The following ARHGAP15 variants were observed in gnomAD, a reference collection of about 807,000 sequenced individuals.
ARHGAP15 encodes Rho GTPase activating protein 15, also known as rho GTPase-activating protein 15.
In ARHGAP15, 51 loss-of-function variants were observed where a neutral mutation model predicts 63.7. The ratio of observed to expected loss-of-function variants is 0.80; its 90% CI spans 0.64 to 1.01. The LOEUF (loss-of-function observed/expected upper bound fraction) is 1.01, where lower values mean the gene tolerates loss of function less well. Among genes scored for constraint, ARHGAP15 ranks in the 50% least tolerant of loss-of-function variants. The pLI is 0.00. For missense variants in ARHGAP15, 560 were observed against 564.6 expected (o/e 0.99, Z 0.08); for synonymous variants, 191 against 193.8 (o/e 0.99, Z 0.12).
chr2:143,675,179 A>G (rs1190737712), intron 12 of ARHGAP15, among the ~76,000 whole-genome samples: 1 of 152,198 alleles, frequency 6.6e-6, no homozygotes, highest in Non-Finnish European at 1.5e-5. Context: ...TTTCTCAACC[A>G]TTAAAGTTTT....
At chr2:143,180,895 G>T (rs1211502288) in intron 2 of ARHGAP15, among the ~76,000 whole-genome samples, 1 of 152,150 alleles carries the variant, frequency 6.6e-6, no homozygotes, top group Non-Finnish European at 1.5e-5. Context: ...GAATGGTCTC[G>T]ATCTCCTGAC....
chr2:143,437,751 C>T (rs75790250), intron 8 of ARHGAP15, among the ~76,000 whole-genome samples: 4,556 of 152,156 alleles, frequency 0.03, 233 homozygotes, highest in African/African-American at 0.1. Flanking sequence ...TCTGGCTGGG[C>T]GAGGTAGCTC....
At chr2:143,623,141 C>T (rs1698705092) in intron 11 of ARHGAP15, among the ~76,000 whole-genome samples, 1 of 152,206 alleles carries the variant, frequency 6.6e-6, no homozygotes, top group Non-Finnish European at 1.5e-5. Flanking sequence ...TTTAGAAAGA[C>T]AAATCGTCTG....
chr2:143,711,381 C>T (rs1022858825), intron 13 of ARHGAP15, among the ~76,000 whole-genome samples: 3 of 152,036 alleles, frequency 2.0e-5, no homozygotes, highest in African/African-American at 7.2e-5. Context: ...CAAAGGATGC[C>T]CCCCAGAGGA....
intron 9 of ARHGAP15, among the ~76,000 whole-genome samples, chr2:143,508,114 G>T (rs1052222796): frequency 6.6e-6 from 1 of 151,984 alleles, no homozygotes; most frequent in Admixed American, 6.6e-5. Flanking sequence ...GACCTATAGG[G>T]TCCTACCTGC....
intron 10 of ARHGAP15, among the ~76,000 whole-genome samples, chr2:143,521,741 C>G (rs1694070753): frequency 6.6e-6 from 1 of 152,130 alleles, no homozygotes; most frequent in African/African-American, 2.4e-5. Context: ...TTGATACTCA[C>G]TACATCGGCA....
chr2:143,491,336 T>C (rs34030812), intron 9 of ARHGAP15, among the ~76,000 whole-genome samples: 44,228 of 152,078 alleles, frequency 0.29, 7,480 homozygotes, highest in East Asian at 0.48. Context: ...AATAACAGTA[T>C]TGACATCCAA....
At chr2:143,401,591 A>G (rs892078734) in intron 6 of ARHGAP15, among the ~76,000 whole-genome samples, 1 of 152,030 alleles carries the variant, frequency 6.6e-6, no homozygotes, top group African/African-American at 2.4e-5. Context: ...TGCAGTTTTC[A>G]GTTTTTTGGG....
intron 6 of ARHGAP15, among the ~76,000 whole-genome samples, chr2:143,388,947 AT>A (rs886520936): frequency 4.0e-5 from 6 of 151,236 alleles, no homozygotes; most frequent in Non-Finnish European, 3.0e-5. Flanking sequence ...TGGAGAATTA[AT>A]TTTTTTTTAA....
intron 9 of ARHGAP15, 39 bp downstream of exon 9, chr2:143,487,534 A>G (rs775955605): frequency 1.3e-6 from 2 of 1,591,946 alleles, no homozygotes; most frequent in Non-Finnish European, 1.7e-6. Context: ...ACTGTGATAA[A>G]TGAATGTGCC....
chr2:143,519,124 C>T, intron 9 of ARHGAP15, 142 bp from the exon 10 acceptor site: 1 of 559,826 alleles, frequency 1.8e-6, no homozygotes, highest in Non-Finnish European at 3.3e-6. Flanking sequence ...ATATGTCTGC[C>T]ATAGACACTA....
intron 6 of ARHGAP15, among the ~76,000 whole-genome samples, chr2:143,360,194 A>C (rs1281760366): frequency 1.3e-5 from 2 of 151,518 alleles, no homozygotes; most frequent in Non-Finnish European, 2.9e-5. Flanking sequence ...GCCTGATCAA[A>C]ATAGACACCA....
rs370456955 is a variant in ARHGAP15 at position 143,578,699 on chromosome 2, G to C, written c.1003+22214G>C. Reference sequence around the variant, plus strand: ...TGTTGTATCAGGGACACATGACAAAGCATTCAAATATGCAAATAATTGCAA... The same window carrying C: ...TGTTGTATCAGGGACACATGACAAACCATTCAAATATGCAAATAATTGCAA... On this transcript the variant is annotated intron_variant, in intron 11 of 13. Transcript: ENST00000295095. 1.2e-3 allele frequency among the ~76,000 whole-genome samples: 183 copies of C among 152,272 alleles called. 7 individuals are homozygous for C. The South Asian group carries it at 0.036, about 30-fold the overall frequency.
At chr2:143,221,185 A>G (rs1692982029) in intron 4 of ARHGAP15, among the ~76,000 whole-genome samples, 1 of 152,140 alleles carries the variant, frequency 6.6e-6, no homozygotes, top group Non-Finnish European at 1.5e-5. Context: ...TTATAAATCC[A>G]TAATAGATCA....
intron 8 of ARHGAP15, among the ~76,000 whole-genome samples, chr2:143,452,482 G>C (rs185904602): frequency 4.0e-5 from 6 of 151,788 alleles, no homozygotes; most frequent in Non-Finnish European, 2.9e-5. Context: ...TGGATTGGGC[G>C]CATTAACACT....
rs1558779622 is a variant in ARHGAP15, at chr2:143,153,843, T to TCCTCCTCC, written c.-14-1634_-14-1633insCCTCCTCC. On this transcript the variant is annotated intron_variant, in intron 1 of 13. Transcript: ENST00000295095. ...CTTCTTCTTCTTCTTCTTCTTCTTC[T>TCCTCCTCC]TCCTCCTCCTCCTCCTCCTCCTCCT... Among the ~76,000 whole-genome samples the TCCTCCTCC allele has an allele frequency of 6.3e-3, 549 of 86,856 alleles. 34 individuals are homozygous for TCCTCCTCC. The highest frequency in any genetic ancestry group is 0.023 in the East Asian group (56 of 2,392). 57.0% of individuals were successfully genotyped at this position (86,856 alleles called of 152,430 possible). A position where few individuals can be genotyped will look rare whatever the true frequency, so the allele number is the denominator to read the frequency against.
chr2:143,700,107 T>C (rs1315193858), intron 12 of ARHGAP15, among the ~76,000 whole-genome samples: 1 of 152,132 alleles, frequency 6.6e-6, no homozygotes, highest in Non-Finnish European at 1.5e-5. Flanking sequence ...TAGGGGAATT[T>C]GACAAGCATT....
intron 11 of ARHGAP15, among the ~76,000 whole-genome samples, chr2:143,602,534 G>A (rs1559074457): frequency 6.6e-6 from 1 of 152,098 alleles, no homozygotes; most frequent in Non-Finnish European, 1.5e-5. Flanking sequence ...CACCTTCTAT[G>A]TACTTGCTCC....
At chr2:143,526,649 A>G (rs1236582568) in intron 10 of ARHGAP15, among the ~76,000 whole-genome samples, 11 of 152,198 alleles carry the variant, frequency 7.2e-5, no homozygotes, top group Admixed American at 2.0e-4. Flanking sequence ...TTCCACCATA[A>G]AAATAATCTT....
Sources: allele counts gnomAD v4.1 joint callset (sites outside exome capture counted in the v4.1 genomes callset), GRCh38; gene constraint gnomAD v4.1.1; transcripts MANE v1.5; gene names NCBI Gene and HGNC (gene_info 2026-07-23, HGNC 2026-07-21).